TG: variants seen among roughly 807,000 people sequenced by gnomAD.
TG encodes thyroglobulin.
In TG, 270 loss-of-function variants were observed where a neutral mutation model predicts 324.7. The ratio of observed to expected loss-of-function variants is 0.83; its 90% CI spans 0.75 to 0.92. TG has a LOEUF of 0.92. Ranked by LOEUF, TG falls within the 40% of genes least tolerant of loss-of-function variation. The pLI is 0.00. For missense variants in TG, 3,591 were observed against 3,456.4 expected (o/e 1.04, Z -0.98); for synonymous variants, 1,401 against 1,327.0 (o/e 1.06, Z -1.21).
intron 41 of TG, among the ~76,000 whole-genome samples, chr8:133,030,386 G>C (rs1836518389): frequency 6.6e-6 from 1 of 152,316 alleles, no homozygotes; most frequent in Admixed American, 6.5e-5. Context: ...TGAAGTGCCG[G>C]CTACGTGAGG....
intron 39 of TG, among the ~76,000 whole-genome samples, chr8:133,021,742 C>T (rs1450910411): frequency 1.3e-5 from 2 of 152,150 alleles, no homozygotes; most frequent in African/African-American, 2.4e-5. Flanking sequence ...GGACACCGGT[C>T]CTATTGGTGA....
chr8:132,975,631 C>T (rs548546943), intron 34 of TG, among the ~76,000 whole-genome samples: 1 of 152,190 alleles, frequency 6.6e-6, no homozygotes, highest in Non-Finnish European at 1.5e-5. Flanking sequence ...ACCAATATAA[C>T]CTCTATGTAT....
chr8:133,105,540 C>T lies in TG; in HGVS notation c.7573-7882C>T, dbSNP rs553158151. 1.2e-4 allele frequency among the ~76,000 whole-genome samples: 18 copies of T among 152,206 alleles called. 1 individual carries two copies. The South Asian group carries it at 1.7e-3, about 14-fold the overall frequency. ...AGAAGGTTCTAGGGGTGAGGAAGAA[C>T]ACATATGGATGACGAAGATAAATTG... On this transcript the variant is annotated intron_variant, in intron 43 of 47. Coordinates refer to ENST00000220616, the MANE Select transcript of TG (RefSeq NM_003235.5).
At chr8:132,886,136 C>A (rs1336090966) in intron 8 of TG, among the ~76,000 whole-genome samples, 1 of 152,052 alleles carries the variant, frequency 6.6e-6, no homozygotes, top group Non-Finnish European at 1.5e-5. Flanking sequence ...ACCTGAGTAC[C>A]ATTGGCAAGT....
Position 132,929,174 on chromosome 8 carries a change from G to T in TG, c.4798G>T (p.Val1600Leu), listed in dbSNP as rs145098737. 8 of 1,613,960 alleles carry T rather than the reference G, an allele frequency of 5.0e-6. No individual in the cohort carries two copies. In the South Asian group the frequency reaches 8.8e-5, roughly 18 times the overall value. Residue 1600 changes from valine (V) to leucine (L), a missense_variant, in exon 23 of 48, where the codon GTG becomes TTG. Coordinates refer to ENST00000220616, the MANE Select transcript of TG (RefSeq NM_003235.5). The stretch of plus-strand genomic sequence containing the variant: ...CAAAGTTCCTGATTCTGAGTTCCCC[G>T]TGATGCAGTGCTTGACAGGTGAGGA... The part of the protein sequence containing the change: ...RSKVPDSEFP[V>L]MQCLTDCTED...
chr8:133,107,657 TC>T (rs1849919258), intron 43 of TG, among the ~76,000 whole-genome samples: 1 of 152,208 alleles, frequency 6.6e-6, no homozygotes, highest in African/African-American at 2.4e-5. Flanking sequence ...TGGGAATTTA[TC>T]TCCCACTATT....
rs1252797300 is a variant in TG, at chr8:132,887,153, A to G, written c.1781A>G (p.Asp594Gly). 4 of 1,613,966 alleles carry G rather than the reference A, an allele frequency of 2.5e-6. No individual in the cohort carries two copies. The African/African-American group carries it at 5.3e-5, about 22-fold the overall frequency. Residue 594 changes from aspartate to glycine, a missense_variant, in exon 9 of 48, where the codon GAT becomes GGT. Coordinates refer to ENST00000220616, the MANE Select transcript of TG (RefSeq NM_003235.5). ...AISVPEDVAR[D>G]LGDVMETVLS... is the part of the protein sequence containing the mutation. ...TCTGTGCCAGAAGATGTGGCAAGAG[A>G]TTTAGGTGATGTGATGGAAACGGTA...
chr8:132,900,456 A>G lies in TG; in HGVS notation c.3433+117A>G, dbSNP rs1203587056. ...ACTGCTTCCATAGCTGTGGGGGCAC[A>G]GCTGCTGACCTCACTATGCCTCAGT... On this transcript the variant is annotated intron_variant, in intron 15 of 47. Transcript: ENST00000220616. 4.3e-6 allele frequency: 4 copies of G among 925,554 alleles called. No homozygotes were observed. In the African/African-American group the frequency reaches 6.5e-5, roughly 15 times the overall value. 57.3% of individuals were successfully genotyped at this position (925,554 alleles called of 1,614,324 possible).
intron 43 of TG, among the ~76,000 whole-genome samples, chr8:133,112,078 C>G (rs1850292170): frequency 6.6e-6 from 1 of 150,486 alleles, no homozygotes; most frequent in African/African-American, 2.4e-5. Flanking sequence ...CTGTGTTCAC[C>G]CAGGAGTGGT....
chr8:133,002,520 C>A, intron 35 of TG: 2 of 715,702 alleles, frequency 2.8e-6, no homozygotes, highest in Non-Finnish European at 3.4e-6. Context: ...TTAAATATTT[C>A]TTTGGGGGAG....
rs367975606 is a variant in TG at position 133,013,105 on chromosome 8, C to T, written c.6398-495C>T. Among the ~76,000 whole-genome samples, 22 of 152,316 alleles carry T rather than the reference C, an allele frequency of 1.4e-4. 1 individual carries two copies. The highest frequency in any genetic ancestry group is 5.1e-4 in the African/African-American group (21 of 41,570). On this transcript the variant is annotated intron_variant, in intron 36 of 47. Transcript: ENST00000220616. ...GGAGATATATTAAGCAGGGAAATAA[C>T]AAGAGCACATTTATAAATTAAATAA... is the stretch of plus-strand genomic sequence containing the variant.
At chr8:133,082,830 T>C (rs1790313790) in intron 41 of TG, among the ~76,000 whole-genome samples, 1 of 152,244 alleles carries the variant, frequency 6.6e-6, no homozygotes, top group Non-Finnish European at 1.5e-5. Context: ...ATACTTTTTT[T>C]CTAATGATAA....
chr8:132,893,141 GTA>G (rs1816506160), intron 10 of TG, among the ~76,000 whole-genome samples: 1 of 132,852 alleles, frequency 7.5e-6, no homozygotes, highest in African/African-American at 2.9e-5. Flanking sequence ...TGTGTGGTGT[GTA>G]TTTGTGTGTA....
At chr8:132,936,166 G>A (rs1823553701) in intron 25 of TG, among the ~76,000 whole-genome samples, 2 of 152,258 alleles carry the variant, frequency 1.3e-5, no homozygotes, top group African/African-American at 2.4e-5. Context: ...GCAGAGCTAA[G>A]TTGCAGAGTG....
intron 3 of TG, 106 bp downstream of exon 3, chr8:132,869,932 G>C (rs1364975542): frequency 1.1e-6 from 1 of 920,884 alleles, no homozygotes; most frequent in Non-Finnish European, 1.7e-6. Context: ...CCTCCCTCTG[G>C]GCTGCTGGCT....
intron 32 of TG, among the ~76,000 whole-genome samples, chr8:132,969,910 CAAAAAAAAAAAAAAA>C (rs11335158): frequency 3.4e-5 from 2 of 58,074 alleles, no homozygotes; most frequent in African/African-American, 1.4e-4. Context: ...GAGACTCTGT[CAAAAAAAAAAAAAAA>C]AAAAAAAAGC....
At chr8:132,972,462 T>C (rs1347700804) in intron 33 of TG, 136 bp from the exon 34 acceptor site, 6 of 1,012,588 alleles carry the variant, frequency 5.9e-6, no homozygotes, top group Admixed American at 2.4e-5. Flanking sequence ...GTGGCTGAGA[T>C]AGTATCTGAA....
intron 20 of TG, 42 bp from the exon 21 acceptor site, chr8:132,919,334 A>G (rs1820808476): frequency 6.2e-7 from 1 of 1,600,494 alleles, no homozygotes; most frequent in Admixed American, 1.7e-5. Flanking sequence ...ACTGTGAAGC[A>G]TGTGTCTTGA....
chr8:133,031,770 A>G (rs982071914), intron 41 of TG, among the ~76,000 whole-genome samples: 13 of 152,130 alleles, frequency 8.5e-5, no homozygotes, highest in African/African-American at 3.1e-4. Context: ...GGAGCCTTTC[A>G]TGTTCCTTGG....
Sources: allele counts gnomAD v4.1 joint callset (sites outside exome capture counted in the v4.1 genomes callset), GRCh38; gene constraint gnomAD v4.1.1; transcripts MANE v1.5; gene names NCBI Gene and HGNC (gene_info 2026-07-23, HGNC 2026-07-21).